HBS1L: variants seen among roughly 807,000 people sequenced by gnomAD.
The protein encoded by HBS1L is HBS1 like translational GTPase.
A neutral mutation model predicts 88.9 loss-of-function variants in HBS1L; 55 were observed. That is an observed-to-expected ratio of 0.62 (90% CI 0.50 to 0.77). The LOEUF is 0.77. HBS1L is among the 30% of genes least tolerant of loss of function. The pLI is 0.00. For missense variants in HBS1L, 741 were observed against 829.3 expected (o/e 0.89, Z 1.31); for synonymous variants, 267 against 288.5 (o/e 0.93, Z 0.76).
At position 134,975,002 on chromosome 6, in the gene HBS1L, C is replaced by T. The variant is rs535322891; in HGVS notation, c.1797+3677G>A. ...GTTTGCCAATGATATAATTACATACCTAAAAAATCCTAAAGATTCCTCCCA... is the reference window on the plus strand; with the variant it reads ...GTTTGCCAATGATATAATTACATACTTAAAAAATCCTAAAGATTCCTCCCA... On this transcript the variant is annotated intron_variant, in intron 15 of 17. Transcript: ENST00000367837. 8.9e-4 allele frequency among the ~76,000 whole-genome samples: 135 copies of T among 152,178 alleles called. 1 individual carries two copies. Among genetic ancestry groups the T allele is most frequent in the African/African-American group, 3.2e-3 (132 of 41,524 alleles).
Position 134,962,212 on chromosome 6 carries a change from T to A in HBS1L, c.*3067A>T, listed in dbSNP as rs1406286784. ...TATAATTTTGAATAACTTCTATATATCAGGATCTGTAATTGTTATTTTTAT... is the reference window on the plus strand; with the variant it reads ...TATAATTTTGAATAACTTCTATATAACAGGATCTGTAATTGTTATTTTTAT... On this transcript the variant is annotated 3_prime_UTR_variant, in exon 18 of 18. Coordinates refer to ENST00000367837, the MANE Select transcript of HBS1L (RefSeq NM_006620.4). The A allele has an allele frequency of 6.6e-6, 1 of 151,926 alleles. No individual in the cohort carries two copies. Among genetic ancestry groups the A allele is most frequent in the Non-Finnish European group, 1.5e-5 (1 of 68,018 alleles). The allele number at this position is 151,926 out of a possible 1,614,324, so 9.4% of individuals were successfully genotyped here.
intron 4 of HBS1L, chr6:135,036,839 CTT>C: frequency 2.6e-6 from 4 of 1,551,724 alleles, no homozygotes; most frequent in Non-Finnish European, 3.5e-6. Context: ...GTCAGAGAGC[CTT>C]TGTTGTTTTT....
At chr6:135,043,031 A>G (rs1219891931) in intron 2 of HBS1L, among the ~76,000 whole-genome samples, 1 of 152,196 alleles carries the variant, frequency 6.6e-6, no homozygotes, top group African/African-American at 2.4e-5. Flanking sequence ...GCCAAACATC[A>G]TCACTCAATA....
chr6:135,037,355 A>C, intron 4 of HBS1L: 1 of 1,551,696 alleles, frequency 6.4e-7, no homozygotes, highest in Non-Finnish European at 8.7e-7. Context: ...CACTGAGAAA[A>C]CTGCAAATTA....
At chr6:134,990,194 G>A (rs1055137693) in intron 8 of HBS1L, among the ~76,000 whole-genome samples, 6 of 152,098 alleles carry the variant, frequency 3.9e-5, no homozygotes, top group Non-Finnish European at 8.8e-5. Flanking sequence ...AAATTACTGG[G>A]AAATTTCTCT....
intron 5 of HBS1L, among the ~76,000 whole-genome samples, chr6:135,001,155 G>A (rs1018425688): frequency 1.3e-5 from 2 of 152,004 alleles, no homozygotes; most frequent in African/African-American, 4.8e-5. Flanking sequence ...TTTCCCCAAG[G>A]ATTCTGAGCA....
chr6:134,988,944 A>G (rs572598761), intron 8 of HBS1L, among the ~76,000 whole-genome samples: 1 of 152,350 alleles, frequency 6.6e-6, no homozygotes, highest in African/African-American at 2.4e-5. Flanking sequence ...CTATTGAAAA[A>G]AAAGCCTTGT....
rs751315286 is a variant in HBS1L, at chr6:135,036,908, T to C, written c.430+2665A>G. The C allele has an allele frequency of 5.8e-6, 9 of 1,551,540 alleles. No individual in the cohort carries two copies. In the South Asian group the frequency reaches 9.5e-5, roughly 16 times the overall value. ...CCTAGCTTTGAACTTAGAACTTTAGTTCGTGATGATGGAGCAATGGATGGG... is the reference window on the plus strand; with the variant it reads ...CCTAGCTTTGAACTTAGAACTTTAGCTCGTGATGATGGAGCAATGGATGGG... On this transcript the variant is annotated intron_variant, in intron 4 of 17. Coordinates refer to ENST00000367837, the MANE Select transcript of HBS1L (RefSeq NM_006620.4).
chr6:134,997,037 T>C (rs866603979), intron 6 of HBS1L, 95 bp from the exon 7 acceptor site: 1 of 892,338 alleles, frequency 1.1e-6, no homozygotes, highest in African/African-American at 1.7e-5. Context: ...TTCATGTCAG[T>C]GGTTTACAGT....
Position 134,962,876 on chromosome 6 carries a change from C to G in HBS1L, c.*2403G>C, listed in dbSNP as rs112518126. Reference sequence around the variant, plus strand: ...TTACCTCTTTGTCACTTAATCAACTCGAGCCTTCCACTGCCAACAGTCTTC... The same window carrying G: ...TTACCTCTTTGTCACTTAATCAACTGGAGCCTTCCACTGCCAACAGTCTTC... On this transcript the variant is annotated 3_prime_UTR_variant, in exon 18 of 18. Transcript: ENST00000367837. The G allele has an allele frequency of 8.5e-5, 13 of 152,294 alleles. No individual in the cohort carries two copies. The highest frequency in any genetic ancestry group is 2.9e-4 in the African/African-American group (12 of 41,562). 9.4% of individuals were successfully genotyped at this position (152,294 alleles called of 1,614,324 possible). A position where few individuals can be genotyped will look rare whatever the true frequency, so the allele number is the denominator to read the frequency against.
Position 134,997,450 on chromosome 6 carries a change from G to T in HBS1L, c.746C>A (p.Ala249Glu), listed in dbSNP as rs1303997255. 2 of 1,613,948 alleles carry T rather than the reference G, an allele frequency of 1.2e-6. No individual in the cohort carries two copies. Among genetic ancestry groups the T allele is most frequent in the Non-Finnish European group, 1.7e-6 (2 of 1,179,964 alleles). Residue 249 changes from alanine (A) to glutamate (E), a missense_variant, in exon 6 of 18, where the codon GCG becomes GAG. Physicochemically the swap from Ala to Glu is moderately radical, Grantham distance 107 (BLOSUM62 -1). Transcript: ENST00000367837. ...GKLRQQIDVKAELEKRQGGKQ... is the reference protein window; with the variant it reads ...GKLRQQIDVKEELEKRQGGKQ... ...CCCTCCTTGCCGCTTCTCCAGTTCCGCCTTCACATCTATTTGCTGCCTCAG... is the reference window on the plus strand; with the variant it reads ...CCCTCCTTGCCGCTTCTCCAGTTCCTCCTTCACATCTATTTGCTGCCTCAG...
Position 134,969,287 on chromosome 6 carries a change from T to C in HBS1L, c.1849A>G (p.Ile617Val). 4 of 1,613,902 alleles carry C rather than the reference T, an allele frequency of 2.5e-6. No individual in the cohort carries two copies. Among genetic ancestry groups the C allele is most frequent in the Non-Finnish European group, 3.4e-6 (4 of 1,179,824 alleles). Residue 617 changes from isoleucine to valine, a missense_variant, in exon 16 of 18, where the codon ATT becomes GTT. Physicochemically the swap from Ile to Val is conservative, Grantham distance 29 (BLOSUM62 3). Coordinates refer to ENST00000367837, the MANE Select transcript of HBS1L (RefSeq NM_006620.4). ...VSEPAVIKRL[I>V]SVLNKSTGEV... ...CCCGTGCTTTTGTTTAAGACACTAA[T>C]CAATCGTTTAATAACGGCGGGTTCA...
At position 135,031,332 on chromosome 6, in the gene HBS1L, G is replaced by A. The variant is rs189394598; in HGVS notation, c.430+8241C>T. Among the ~76,000 whole-genome samples, 4 of 152,168 alleles carry A rather than the reference G, an allele frequency of 2.6e-5. 1 individual carries two copies. The highest frequency in any genetic ancestry group is 1.5e-5 in the Non-Finnish European group (1 of 68,012). On this transcript the variant is annotated intron_variant, in intron 4 of 17. Coordinates refer to ENST00000367837, the MANE Select transcript of HBS1L (RefSeq NM_006620.4). Reference sequence around the variant, plus strand: ...GGAACCTACCTCTGTATTTCTTGTAGGAGCAATGGTTCAGTATTCATTAAT... The same window carrying A: ...GGAACCTACCTCTGTATTTCTTGTAAGAGCAATGGTTCAGTATTCATTAAT...
intron 13 of HBS1L, among the ~76,000 whole-genome samples, chr6:134,981,678 T>C (rs1056725288): frequency 1.3e-5 from 2 of 151,896 alleles, no homozygotes; most frequent in Non-Finnish European, 2.9e-5. Flanking sequence ...ACAAATAATA[T>C]TATTTTATAG....
chr6:134,985,944 T>C (rs1774966771), intron 11 of HBS1L, 122 bp downstream of exon 11: 1 of 626,868 alleles, frequency 1.6e-6, no homozygotes, highest in Non-Finnish European at 2.8e-6. Context: ...ACAGGTAACT[T>C]AGTTCCTCCG....
At chr6:135,000,941 C>A (rs372729968) in intron 5 of HBS1L, among the ~76,000 whole-genome samples, 1 of 152,090 alleles carries the variant, frequency 6.6e-6, no homozygotes, top group African/African-American at 2.4e-5. Context: ...AAGTGCTATC[C>A]CTATTATAAA....
rs1159467605 is a variant in HBS1L, at chr6:134,978,686, C to A, written c.1790G>T (p.Gly597Val). 1 of 1,547,510 alleles carries A rather than the reference C, an allele frequency of 6.5e-7. No individual in the cohort carries two copies. Among genetic ancestry groups the A allele is most frequent in the Non-Finnish European group, 8.9e-7 (1 of 1,127,212 alleles). ...IFNIEIPITK[G>V]FPVLLHYQTV... ...AAACATTTTGGAACTTACAGGAAATCCTTTAGTGATAGGAATTTCAATATT... is the reference window on the plus strand; with the variant it reads ...AAACATTTTGGAACTTACAGGAAATACTTTAGTGATAGGAATTTCAATATT... The change falls in exon 15 of 18, where the codon GGA becomes GTA. Residue 597 changes from glycine to valine, a missense_variant. Gly to Val is a moderately radical substitution (Grantham distance 109). Transcript: ENST00000367837.
intron 14 of HBS1L, 64 bp from the exon 15 acceptor site, chr6:134,978,851 C>T: frequency 1.1e-6 from 1 of 938,654 alleles, no homozygotes; most frequent in South Asian, 1.5e-5. Flanking sequence ...AATAGAAAGA[C>T]CTCAAAAACA....
At chr6:135,008,758 G>A (rs1775682719) in intron 4 of HBS1L, among the ~76,000 whole-genome samples, 1 of 151,826 alleles carries the variant, frequency 6.6e-6, no homozygotes, top group African/African-American at 2.4e-5. Flanking sequence ...ATGCTCTTCT[G>A]ATTCATTCCT....
Sources: gnomAD v4.1 joint callset for allele counts (sites outside exome capture counted in the v4.1 genomes callset) on GRCh38, gnomAD v4.1.1 for gene constraint, MANE v1.5 for transcripts, NCBI Gene and HGNC (gene_info 2026-07-23, HGNC 2026-07-21) for gene names.